Variants in KLF13 observed in about 807,000 individuals in gnomAD.
The protein encoded by KLF13 is Krueppel-like factor 13.
KLF13 carries 8 observed loss-of-function variants against 16.7 expected under a neutral mutation model. The observed-to-expected ratio is 0.48, with a 90% CI of 0.28 to 0.87. The LOEUF is 0.87. Ranked by LOEUF, KLF13 falls within the 40% of genes least tolerant of loss-of-function variation. The pLI, the probability that KLF13 is intolerant of heterozygous loss-of-function variation, is 0.10. For missense variants in KLF13, 447 were observed against 452.2 expected, an observed-to-expected ratio of 0.99 and a Z score of 0.10; for synonymous variants, 245 against 208.4, an observed-to-expected ratio of 1.18 and a Z score of -1.51.
intron 1 of KLF13, among the ~76,000 whole-genome samples, chr15:31,419,373 A>T (rs2040294404): frequency 6.6e-6 from 1 of 152,202 alleles, no homozygotes; most frequent in African/African-American, 2.4e-5. Context: ...GTCTTAAAGA[A>T]CTTCAATGTG....
chr15:31,413,219 C>CAAAAAAAA (rs2040218163), intron 1 of KLF13, among the ~76,000 whole-genome samples: 1 of 139,672 alleles, frequency 7.2e-6, no homozygotes. Flanking sequence ...ACAAAAAAAC[C>CAAAAAAAA]AGCCTCAGAG....
chr15:31,434,563 G>A (rs1468411736), intron 1 of KLF13, among the ~76,000 whole-genome samples: 1 of 152,184 alleles, frequency 6.6e-6, no homozygotes, highest in Non-Finnish European at 1.5e-5. Context: ...GCTATCTCAG[G>A]GGCGTGGAAG....
At chr15:31,351,000 C>G (rs1452376476) in intron 1 of KLF13, among the ~76,000 whole-genome samples, 1 of 151,768 alleles carries the variant, frequency 6.6e-6, no homozygotes, top group East Asian at 1.9e-4. Flanking sequence ...AGTAAGAGTT[C>G]CCCAGTGTCT....
chr15:31,432,763 T>C (rs2040489135), intron 1 of KLF13, among the ~76,000 whole-genome samples: 1 of 152,150 alleles, frequency 6.6e-6, no homozygotes, highest in South Asian at 2.1e-4. Flanking sequence ...TCATTTCCAT[T>C]TGAAGCTGGA....
chr15:31,390,173 A>T (rs12912800), upstream of KLF13, among the ~76,000 whole-genome samples: 4 of 151,738 alleles, frequency 2.6e-5, no homozygotes, highest in East Asian at 5.8e-4. Context: ...ATGGATCCGC[A>T]CCCCCACTCC....
intron 1 of KLF13, among the ~76,000 whole-genome samples, chr15:31,365,205 T>C (rs2039446584): frequency 6.6e-6 from 1 of 152,072 alleles, no homozygotes; most frequent in Non-Finnish European, 1.5e-5. Context: ...GGGCAAGCAA[T>C]TTCTCTTTGG....
chr15:31,421,514 TA>T (rs1408333521), intron 1 of KLF13, among the ~76,000 whole-genome samples: 14 of 152,116 alleles, frequency 9.2e-5, no homozygotes, highest in African/African-American at 3.4e-4. Context: ...TAACATAAAG[TA>T]GGGGAGATGT....
At chr15:31,348,628 C>A (rs1267571346) in intron 1 of KLF13, among the ~76,000 whole-genome samples, 1 of 151,930 alleles carries the variant, frequency 6.6e-6, no homozygotes, top group African/African-American at 2.4e-5. Flanking sequence ...ATTTTTTAGA[C>A]CCTGGGGTCC....
At chr15:31,337,587 A>G (rs756179855) in intron 1 of KLF13, among the ~76,000 whole-genome samples, 42 of 152,368 alleles carry the variant, frequency 2.8e-4, no homozygotes, top group Admixed American at 4.6e-4. Flanking sequence ...CCTAAATGGC[A>G]TAGCCTACTG....
intron 1 of KLF13, among the ~76,000 whole-genome samples, chr15:31,352,379 C>T (rs998065812): frequency 1.3e-5 from 2 of 152,252 alleles, no homozygotes. Context: ...TGGTCCCGCT[C>T]AGAATGCACA....
chr15:31,361,184 A>G (rs1466742586), intron 1 of KLF13, among the ~76,000 whole-genome samples: 1 of 152,086 alleles, frequency 6.6e-6, no homozygotes, highest in East Asian at 1.9e-4. Context: ...CTGGGTGCAG[A>G]GGGTAGCCTC....
rs2039605373 is a variant in KLF13, at chr15:31,374,160, C to G, written c.*1861C>G. The G allele has an allele frequency of 6.6e-6, 1 of 152,604 alleles. No individual in the cohort carries two copies. The highest frequency in any genetic ancestry group is 2.1e-4 in the South Asian group (1 of 4,834). 9.5% of individuals were successfully genotyped at this position (152,604 alleles called of 1,614,324 possible). On this transcript the variant is annotated 3_prime_UTR_variant, in exon 2 of 2. Transcript: ENST00000307145. ...TGGCTCCAGAGTGGACAGGTACGCT[C>G]TGTCCACAGCAGCTGCTCAGGCACA...
chr15:31,327,561 C>A lies in KLF13; in HGVS notation c.349C>A (p.Pro117Thr). ...CGGCGCCGAAGGCGCGGCGGCCGCG[C>A]CCCCCAGCCCGGCGTGGAGCGAGCC... ...SPGAEGAAAAPPSPAWSEPEP... is the reference protein window; with the variant it reads ...SPGAEGAAAATPSPAWSEPEP... Residue 117 changes from proline (P) to threonine (T), a missense_variant, in exon 1 of 2, where the codon CCC becomes ACC. This residue lies in a region of KLF13 where 359 missense variants were observed against 282.8 expected (regional missense o/e 1.27). Transcript: ENST00000307145. 1 of 1,131,806 alleles carries A rather than the reference C, an allele frequency of 8.8e-7. No individual in the cohort carries two copies. The highest frequency in any genetic ancestry group is 1.1e-6 in the Non-Finnish European group (1 of 920,834). The allele number at this position is 1,131,806 out of a possible 1,614,324, so 70.1% of individuals were successfully genotyped here. A position where few individuals can be genotyped will look rare whatever the true frequency, so the allele number is the denominator to read the frequency against.
Position 31,327,239 on chromosome 15 carries a change from C to G in KLF13, c.27C>G (p.His9Gln). ...TGGCAGCCGCCGCCTATGTGGACCA[C>G]TTCGCCGCCGAGTGCCTCGTGTCCA... MAAAAYVDHFAAECLVSMS... is the reference protein window; with the variant it reads MAAAAYVDQFAAECLVSMS... Residue 9 changes from histidine (H) to glutamine (Q), a missense_variant, in exon 1 of 2, where the codon CAC (histidine) becomes CAG (glutamine). His to Gln is a conservative substitution (Grantham distance 24). Around this residue, in one of 2 missense-constraint regions of KLF13, gnomAD observed 359 missense variants for 282.8 expected, o/e 1.27. Transcript: ENST00000307145. The G allele has an allele frequency of 7.3e-7, 1 of 1,377,560 alleles. No individual in the cohort carries two copies. Among genetic ancestry groups the G allele is most frequent in the Non-Finnish European group, 9.4e-7 (1 of 1,063,900 alleles). 85.3% of individuals were successfully genotyped at this position (1,377,560 alleles called of 1,614,324 possible).
chr15:31,354,556 A>G (rs2039270290), intron 1 of KLF13, among the ~76,000 whole-genome samples: 1 of 151,908 alleles, frequency 6.6e-6, no homozygotes, highest in South Asian at 2.1e-4. Context: ...AATTTTTTGT[A>G]TTTTTAGTAG....
At chr15:31,362,055 C>T (rs183367517) in intron 1 of KLF13, among the ~76,000 whole-genome samples, 1 of 152,148 alleles carries the variant, frequency 6.6e-6, no homozygotes, top group Non-Finnish European at 1.5e-5. Flanking sequence ...GGACTTGGCT[C>T]TCCTAGCTGC....
intron 1 of KLF13, among the ~76,000 whole-genome samples, chr15:31,417,430 G>A (rs2040267910): frequency 6.6e-6 from 1 of 151,998 alleles, no homozygotes; most frequent in East Asian, 1.9e-4. Flanking sequence ...GGGAGGCAGA[G>A]GTTGCAGTGA....
chr15:31,329,017 G>A (rs1453374405), intron 1 of KLF13, among the ~76,000 whole-genome samples: 1 of 152,122 alleles, frequency 6.6e-6, no homozygotes, highest in Non-Finnish European at 1.5e-5. Context: ...TAGAGCTGAA[G>A]GCCCCTTTTT....
chr15:31,360,073 A>AG, intron 1 of KLF13, among the ~76,000 whole-genome samples: 1 of 152,278 alleles, frequency 6.6e-6, no homozygotes, highest in African/African-American at 2.4e-5. Flanking sequence ...GCTGTTGCAG[A>AG]GGGGGTCACT....
Sources: allele counts gnomAD v4.1 joint callset (sites outside exome capture counted in the v4.1 genomes callset), GRCh38; gene constraint gnomAD v4.1.1; regional missense constraint gnomAD v4.1.1; transcripts MANE v1.5; gene names NCBI Gene and HGNC (gene_info 2026-07-23, HGNC 2026-07-21).